MAST1: variants seen among roughly 807,000 people sequenced by gnomAD.
The protein encoded by MAST1 is microtubule-associated serine/threonine-protein kinase 1.
Under a neutral mutation model 124.6 loss-of-function variants are expected in MAST1, and 40 were observed. That is an observed-to-expected ratio of 0.32 (90% CI 0.25 to 0.42). The LOEUF (loss-of-function observed/expected upper bound fraction) is 0.42, where lower values mean the gene tolerates loss of function less well. MAST1 is among the 10% of genes least tolerant of loss of function. The probability of loss-of-function intolerance (pLI) is 1.00; values close to 1 mark genes in which losing one functional copy is unlikely to be tolerated. For missense variants in MAST1, 1,558 were observed against 2,181.9 expected (o/e 0.71, Z 5.70); for synonymous variants, 938 against 939.4 (o/e 1.00, Z 0.03).
Position 12,866,023 on chromosome 19 carries a change from G to A in MAST1, c.1950G>A (p.Leu650=). The A allele has an allele frequency of 6.2e-7, 1 of 1,614,144 alleles. No homozygotes were observed. Among genetic ancestry groups the A allele is most frequent in the Non-Finnish European group, 8.5e-7 (1 of 1,180,022 alleles). ...AGCAGCACAGTTTCTTTCGAGACCTGGACTGGACAGGGCTGCTGAGGCAGA... is the reference window on the plus strand; with the variant it reads ...AGCAGCACAGTTTCTTTCGAGACCTAGACTGGACAGGGCTGCTGAGGCAGA... ...EVKQHSFFRD[L]DWTGLLRQKA... The change falls in exon 17 of 26, where the codon CTG becomes CTA. Residue 650 remains leucine, a synonymous_variant. Coordinates refer to ENST00000251472, the MANE Select transcript of MAST1 (RefSeq NM_014975.3). The surrounding 1 kb of genome is among the most constrained non-coding windows in gnomAD (Gnocchi z 5.2).
In MAST1 at chr19:12,841,088, C is replaced by T; in HGVS notation, c.248+22C>T. 1.6e-6 allele frequency: 2 copies of T among 1,270,322 alleles called. No homozygotes were observed. Among genetic ancestry groups the T allele is most frequent in the Non-Finnish European group, 2.3e-6 (2 of 867,818 alleles). 78.7% of individuals were successfully genotyped at this position (1,270,322 alleles called of 1,614,324 possible). On this transcript the variant is annotated intron_variant, in intron 3 of 25. Transcript: ENST00000251472. This position sits in a 1 kb window ranked among gnomAD's most constrained non-coding sequence, Gnocchi z 4.3. ...GAAGGTGAGTCCCTCCCCTCCAGGGCCCCAGAACCCTGGGCAGACCCTCCC... is the reference window on the plus strand; with the variant it reads ...GAAGGTGAGTCCCTCCCCTCCAGGGTCCCAGAACCCTGGGCAGACCCTCCC...
chr19:12,865,737 G>C lies in MAST1; in HGVS notation c.1825G>C (p.Gly609Arg). 1 of 1,612,886 alleles carries C rather than the reference G, an allele frequency of 6.2e-7. No homozygotes were observed. The highest frequency in any genetic ancestry group is 8.5e-7 in the Non-Finnish European group (1 of 1,179,452). The change falls in exon 16 of 26, where the codon GGG becomes CGG. Residue 609 changes from glycine (G) to arginine (R), a missense_variant. Physicochemically the swap from Gly to Arg is moderately radical, Grantham distance 125. Around this residue, in one of 10 missense-constraint regions of MAST1, gnomAD observed 145 missense variants for 350.0 expected, o/e 0.41. Transcript: ENST00000251472. This position sits in a 1 kb window ranked among gnomAD's most constrained non-coding sequence, Gnocchi z 7.1. Reference sequence around the variant, plus strand: ...TGCAGATGACATCCTGTGGCCCGAGGGGGATGAGGCCCTACCTACGGAGGC... The same window carrying C: ...TGCAGATGACATCCTGTGGCCCGAGCGGGATGAGGCCCTACCTACGGAGGC... ...VISDDILWPE[G>R]DEALPTEAQL...
chr19:12,860,115 T>C (rs1970061890), intron 12 of MAST1, among the ~76,000 whole-genome samples: 1 of 152,058 alleles, frequency 6.6e-6, no homozygotes, highest in African/African-American at 2.4e-5. Flanking sequence ...TATACACCTA[T>C]TTTTCTTTTT....
chr19:12,854,402 C>T (rs899266085), intron 10 of MAST1, among the ~76,000 whole-genome samples: 1 of 152,178 alleles, frequency 6.6e-6, no homozygotes, highest in Non-Finnish European at 1.5e-5. Context: ...CGATTACAGG[C>T]GTGAGCCACA....
intron 18 of MAST1, among the ~76,000 whole-genome samples, 189 bp from the exon 19 acceptor site, chr19:12,867,285 C>A (rs544193656): frequency 3.0e-4 from 45 of 152,148 alleles, no homozygotes; most frequent in Non-Finnish European, 5.3e-4. Context: ...TAGAATAAAA[C>A]GCAGTGCCTA....
At chr19:12,863,894 C>T (rs1970116330) in intron 12 of MAST1, among the ~76,000 whole-genome samples, 2 of 150,866 alleles carry the variant, frequency 1.3e-5, no homozygotes, top group African/African-American at 4.9e-5. Context: ...CCAGCTTGGG[C>T]AACACAATGA....
At position 12,847,192 on chromosome 19, in the gene MAST1, G is replaced by T; in HGVS notation, c.328-98G>T. On this transcript the variant is annotated intron_variant, in intron 4 of 25. Coordinates refer to ENST00000251472, the MANE Select transcript of MAST1 (RefSeq NM_014975.3). This position sits in a 1 kb window ranked among gnomAD's most constrained non-coding sequence, Gnocchi z 5.5. ...TAAATCAGGTCCTGATCCTGGCCTT[G>T]CCCAGTGACCCCATCGGCTTTGGGA... 2 of 760,858 alleles carry T rather than the reference G, an allele frequency of 2.6e-6. No homozygotes were observed. The highest frequency in any genetic ancestry group is 4.4e-6 in the Non-Finnish European group (2 of 453,216). 47.1% of individuals were successfully genotyped at this position (760,858 alleles called of 1,614,324 possible).
Position 12,858,511 on chromosome 19 carries a change from C to G in MAST1, c.1158-20C>G. ...GGTGTCTCGGAGGTGACGGCCGGTC[C>G]TCGCTCTCTCCCCCTGCAGCGCTGT... On this transcript the variant is annotated intron_variant, in intron 11 of 25. Transcript: ENST00000251472. 6.2e-7 allele frequency: 1 copy of G among 1,612,914 alleles called. No homozygotes were observed. The highest frequency in any genetic ancestry group is 8.5e-7 in the Non-Finnish European group (1 of 1,179,030).
At position 12,858,704 on chromosome 19, in the gene MAST1, G is replaced by C; in HGVS notation, c.1331G>C (p.Arg444Pro). Reference protein sequence around the residue: ...VVGMFCSFETRRHLCMVMEYV... With the variant: ...VVGMFCSFETPRHLCMVMEYV... ...GGCATGTTCTGCTCCTTTGAGACTC[G>C]GCGCCACCTCTGCATGGTCATGGAA... The change falls in exon 12 of 26, where the codon CGG (arginine) becomes CCG (proline). Residue 444 changes from arginine (R) to proline (P), a missense_variant. Physicochemically the swap from Arg to Pro is moderately radical, Grantham distance 103. Coordinates refer to ENST00000251472, the MANE Select transcript of MAST1 (RefSeq NM_014975.3). The C allele has an allele frequency of 1.2e-6, 2 of 1,614,132 alleles. No homozygotes were observed. The highest frequency in any genetic ancestry group is 1.7e-6 in the Non-Finnish European group (2 of 1,180,002).
At chr19:12,856,603 C>A (rs912813132) in intron 10 of MAST1, among the ~76,000 whole-genome samples, 1 of 152,144 alleles carries the variant, frequency 6.6e-6, no homozygotes, top group African/African-American at 2.4e-5. Context: ...CCACACCTGG[C>A]CTTTGCCACA....
chr19:12,873,934 G>C lies in MAST1; in HGVS notation c.3777G>C (p.Pro1259=). 4 of 1,591,220 alleles carry C rather than the reference G, an allele frequency of 2.5e-6. No individual in the cohort carries two copies. The highest frequency in any genetic ancestry group is 3.4e-6 in the Non-Finnish European group (4 of 1,176,168). The change falls in exon 26 of 26, where the codon CCG becomes CCC. Residue 1259 remains proline (P), a synonymous_variant. Coordinates refer to ENST00000251472, the MANE Select transcript of MAST1 (RefSeq NM_014975.3). ...RPKSAEPPRS[P]LLKRVQSAEK... ...AGAGTGCCGAGCCCCCTCGCTCGCC[G>C]CTCCTCAAGCGCGTGCAGTCGGCCG...
At chr19:12,845,094 G>C (rs1189397991) in intron 4 of MAST1, among the ~76,000 whole-genome samples, 1 of 152,078 alleles carries the variant, frequency 6.6e-6, no homozygotes, top group African/African-American at 2.4e-5. Context: ...TTGAGGTCAG[G>C]AGTTCGAGAC....
In MAST1 at chr19:12,843,665, C is replaced by A; in HGVS notation, c.327+58C>A. The A allele has an allele frequency of 6.7e-7, 1 of 1,490,944 alleles. No homozygotes were observed. The allele number at this position is 1,490,944 out of a possible 1,614,324, so 92.4% of individuals were successfully genotyped here. On this transcript the variant is annotated intron_variant, in intron 4 of 25. Coordinates refer to ENST00000251472, the MANE Select transcript of MAST1 (RefSeq NM_014975.3). This position sits in a 1 kb window ranked among gnomAD's most constrained non-coding sequence, Gnocchi z 4.9. ...GGTAAGGAATTCAGGGGCCCTCCAGCCTGAAGACCCACACCCAGGCCAGCA... is the reference window on the plus strand; with the variant it reads ...GGTAAGGAATTCAGGGGCCCTCCAGACTGAAGACCCACACCCAGGCCAGCA...
At chr19:12,863,021 C>A (rs1426669563) in intron 12 of MAST1, among the ~76,000 whole-genome samples, 1 of 151,516 alleles carries the variant, frequency 6.6e-6, no homozygotes, top group Admixed American at 6.6e-5. Flanking sequence ...TGGCGGTGCA[C>A]GCCTATCATC....
intron 12 of MAST1, 21 bp from the exon 13 acceptor site, chr19:12,864,788 G>A: frequency 6.2e-7 from 1 of 1,613,032 alleles, no homozygotes; most frequent in Non-Finnish European, 8.5e-7. Flanking sequence ...TTTTTATGCG[G>A]GCCCATTTCC....
chr19:12,867,412 C>G, intron 18 of MAST1, 62 bp from the exon 19 acceptor site: 1 of 1,588,244 alleles, frequency 6.3e-7, no homozygotes, highest in South Asian at 1.1e-5. Context: ...TGCCAGGAAG[C>G]TGATTAGCTC....
rs774394475 is a variant in MAST1, at chr19:12,858,518, T to C, written c.1158-13T>C. The C allele has an allele frequency of 6.2e-7, 1 of 1,613,108 alleles. No homozygotes were observed. Among genetic ancestry groups the C allele is most frequent in the Non-Finnish European group, 8.5e-7 (1 of 1,179,224 alleles). On this transcript the variant is annotated splice_polypyrimidine_tract_variant and intron_variant, in intron 11 of 25. Coordinates refer to ENST00000251472, the MANE Select transcript of MAST1 (RefSeq NM_014975.3). ...CGGAGGTGACGGCCGGTCCTCGCTCTCTCCCCCTGCAGCGCTGTCTACCTG... is the reference window on the plus strand; with the variant it reads ...CGGAGGTGACGGCCGGTCCTCGCTCCCTCCCCCTGCAGCGCTGTCTACCTG...
Position 12,867,715 on chromosome 19 carries a change from G to T in MAST1, c.2319-15G>T. ...AAGGGGGCGTGTCTTCCATAACCAC[G>T]CCCCCTCCATGCAGCAAGCGATTCT... On this transcript the variant is annotated splice_polypyrimidine_tract_variant and intron_variant, in intron 19 of 25. Coordinates refer to ENST00000251472, the MANE Select transcript of MAST1 (RefSeq NM_014975.3). 6.5e-7 allele frequency: 1 copy of T among 1,532,174 alleles called. No individual in the cohort carries two copies. The highest frequency in any genetic ancestry group is 8.8e-7 in the Non-Finnish European group (1 of 1,140,258). 94.9% of individuals were successfully genotyped at this position (1,532,174 alleles called of 1,614,324 possible). A position where few individuals can be genotyped will look rare whatever the true frequency, so the allele number is the denominator to read the frequency against.
At chr19:12,863,952 T>C (rs1336764722) in intron 12 of MAST1, among the ~76,000 whole-genome samples, 1 of 137,246 alleles carries the variant, frequency 7.3e-6, no homozygotes, top group Non-Finnish European at 1.5e-5. Flanking sequence ...TGAGACGGAG[T>C]CTTGCTCTGT....
Sources: gnomAD v4.1 joint callset for allele counts (sites outside exome capture counted in the v4.1 genomes callset) on GRCh38, gnomAD v4.1.1 for gene constraint, gnomAD v4.1.1 regional missense constraint, Gnocchi (gnomAD v3.1) non-coding constraint, MANE v1.5 for transcripts, NCBI Gene and HGNC (gene_info 2026-07-23, HGNC 2026-07-21) for gene names.